The following ATP8A1 variants were observed in gnomAD, a reference collection of about 807,000 sequenced individuals.
ATP8A1 encodes the protein ATPase phospholipid transporting 8A1, also known as phospholipid-transporting ATPase IA.
In ATP8A1, 90 loss-of-function variants were observed where a neutral mutation model predicts 177.7. The ratio of observed to expected loss-of-function variants is 0.51; its 90% CI spans 0.43 to 0.60. The LOEUF (loss-of-function observed/expected upper bound fraction) is 0.60. Ranked by LOEUF, ATP8A1 falls within the 20% of genes least tolerant of loss-of-function variation. The pLI is 0.00. For synonymous variants in ATP8A1, 493 were observed against 485.9 expected, an observed-to-expected ratio of 1.01 and a Z score of -0.19; for missense variants, 1,072 against 1,392.8, an observed-to-expected ratio of 0.77 and a Z score of 3.67.
chr4:42,579,889 C>T lies in ATP8A1; in HGVS notation c.924G>A (p.Met308Ile). Reference sequence around the variant, plus strand: ...CTGAGCCCACAGAACAGACAAGAGACATGGCAATTAAGATACAAAATAAAA... The same window carrying T: ...CTGAGCCCACAGAACAGACAAGAGATATGGCAATTAAGATACAAAATAAAA... ...ILILFCILIA[M>I]SLVCSVGSAI... Residue 308 changes from methionine (M) to isoleucine (I), a missense_variant, in exon 11 of 37, where the codon ATG becomes ATA. Physicochemically the swap from Met to Ile is conservative, Grantham distance 10. Transcript: ENST00000381668. 3.7e-6 allele frequency: 6 copies of T among 1,613,696 alleles called. No homozygotes were observed. Among genetic ancestry groups the T allele is most frequent in the Non-Finnish European group, 5.1e-6 (6 of 1,179,756 alleles).
chr4:42,424,594 C>A (rs1577904432), intron 33 of ATP8A1, among the ~76,000 whole-genome samples: 1 of 152,076 alleles, frequency 6.6e-6, no homozygotes. Flanking sequence ...TTAAAAATAA[C>A]CTAGAGTTTA....
intron 25 of ATP8A1, among the ~76,000 whole-genome samples, chr4:42,468,097 G>A (rs994828283): frequency 5.3e-5 from 8 of 151,942 alleles, no homozygotes; most frequent in Non-Finnish European, 8.8e-5. Flanking sequence ...GTGTGGATAC[G>A]GTGATCAGGG....
At chr4:42,434,089 T>C (rs956235477) in intron 33 of ATP8A1, among the ~76,000 whole-genome samples, 1 of 152,190 alleles carries the variant, frequency 6.6e-6, no homozygotes, top group Non-Finnish European at 1.5e-5. Flanking sequence ...ATAGTGAAGA[T>C]AATTAAAAAC....
At chr4:42,544,840 G>A (rs1013009821) in intron 19 of ATP8A1, among the ~76,000 whole-genome samples, 2 of 152,146 alleles carry the variant, frequency 1.3e-5, no homozygotes, top group Non-Finnish European at 2.9e-5. Context: ...TGTACAGTCA[G>A]GAGTTTCTTT....
At chr4:42,467,591 G>A (rs1719925211) in intron 25 of ATP8A1, among the ~76,000 whole-genome samples, 1 of 152,196 alleles carries the variant, frequency 6.6e-6, no homozygotes, top group Non-Finnish European at 1.5e-5. Flanking sequence ...TACTCGGGAA[G>A]CTGAGTCAGG....
chr4:42,570,767 A>G (rs1560471358), intron 14 of ATP8A1, among the ~76,000 whole-genome samples: 3 of 152,210 alleles, frequency 2.0e-5, no homozygotes, highest in South Asian at 4.1e-4. Context: ...TGCCAGTGCT[A>G]TAACATCTAC....
intron 22 of ATP8A1, among the ~76,000 whole-genome samples, chr4:42,507,779 C>CAAAAAAAAAA (rs1724554447): frequency 2.1e-4 from 1 of 4,786 alleles, no homozygotes. Context: ...GACAGGCATT[C>CAAAAAAAAAA]TAAAAAAAAA....
chr4:42,584,821 C>T (rs1408025813), intron 9 of ATP8A1, among the ~76,000 whole-genome samples: 2 of 152,210 alleles, frequency 1.3e-5, no homozygotes, highest in Non-Finnish European at 2.9e-5. Flanking sequence ...CTGGACATCT[C>T]TGTTTGGACC....
chr4:42,542,708 T>C (rs902662084), intron 20 of ATP8A1, among the ~76,000 whole-genome samples: 2 of 152,214 alleles, frequency 1.3e-5, no homozygotes, highest in Non-Finnish European at 2.9e-5. Flanking sequence ...GATCTTGTGA[T>C]AGTTTGCTGA....
intron 22 of ATP8A1, among the ~76,000 whole-genome samples, chr4:42,510,205 GTGTATAA>G (rs1724870878): frequency 1.3e-5 from 2 of 152,136 alleles, no homozygotes; most frequent in East Asian, 1.9e-4. Context: ...TGACTTCTTA[GTGTATAA>G]TATATAATAC....
intron 4 of ATP8A1, among the ~76,000 whole-genome samples, chr4:42,619,738 G>T (rs1737278067): frequency 1.3e-5 from 2 of 151,994 alleles, no homozygotes; most frequent in South Asian, 2.1e-4. Context: ...ATGTATTAGT[G>T]GCAGCCATGA....
At position 42,461,442 on chromosome 4, in the gene ATP8A1, A is replaced by G. The variant is rs140226984; in HGVS notation, c.2619+3248T>C. 4.4e-3 allele frequency among the ~76,000 whole-genome samples: 662 copies of G among 151,942 alleles called. 4 individuals are homozygous for G. Among genetic ancestry groups the G allele is most frequent in the African/African-American group, 0.015 (632 of 41,420 alleles). ...CTTGTGATAGTGAATAAGTCTCAAGAGATTTGATGGTTTTGAAAAGGGGAG... is the reference window on the plus strand; with the variant it reads ...CTTGTGATAGTGAATAAGTCTCAAGGGATTTGATGGTTTTGAAAAGGGGAG... On this transcript the variant is annotated intron_variant, in intron 27 of 36. Coordinates refer to ENST00000381668, the MANE Select transcript of ATP8A1 (RefSeq NM_006095.2).
chr4:42,540,553 T>TAA (rs147451489), intron 20 of ATP8A1, among the ~76,000 whole-genome samples: 195 of 142,594 alleles, frequency 1.4e-3, no homozygotes, highest in African/African-American at 3.4e-3. Flanking sequence ...GACCAATAGA[T>TAA]AAAAAAAAAA....
intron 33 of ATP8A1, among the ~76,000 whole-genome samples, chr4:42,432,911 T>C (rs28419088): frequency 1.2e-3 from 187 of 152,374 alleles, no homozygotes; most frequent in African/African-American, 4.4e-3. Context: ...GGTATATATA[T>C]TCACATCAAA....
intron 1 of ATP8A1, among the ~76,000 whole-genome samples, chr4:42,636,136 ACACACACACACACACACACACG>A (rs1210475892): frequency 0.019 from 771 of 39,746 alleles, 11 homozygotes; most frequent in African/African-American, 0.049. Flanking sequence ...ACACACACAC[ACACACACACACACACACACACG>A]CACACACACA....
At chr4:42,473,571 A>G (rs940319450) in intron 25 of ATP8A1, among the ~76,000 whole-genome samples, 1 of 152,096 alleles carries the variant, frequency 6.6e-6, no homozygotes, top group Non-Finnish European at 1.5e-5. Flanking sequence ...TGGAGCACAC[A>G]TGCCCTGTGA....
chr4:42,593,677 C>T (rs1467120477), intron 6 of ATP8A1, among the ~76,000 whole-genome samples: 2 of 151,894 alleles, frequency 1.3e-5, no homozygotes, highest in South Asian at 4.1e-4. Flanking sequence ...AGTTTTTAAA[C>T]CTAAAACCAT....
chr4:42,642,479 A>G (rs1740101724), intron 1 of ATP8A1, among the ~76,000 whole-genome samples: 2 of 152,240 alleles, frequency 1.3e-5, no homozygotes, highest in Admixed American at 1.3e-4. Flanking sequence ...ATGTAGCTAA[A>G]GAAGACGACA....
rs1292724630 is a variant in ATP8A1, at chr4:42,485,660, C to T, written c.2160G>A (p.Arg720=). 6.2e-7 allele frequency: 1 copy of T among 1,609,210 alleles called. No individual in the cohort carries two copies. The highest frequency in any genetic ancestry group is 2.2e-5 in the East Asian group (1 of 44,732). ...TAGTACAGTGACGACTGAGAGTTTC[C>T]CTTGTTCCCTGGAATATTAAACAAG... ...VINEGSLDGT[R]ETLSRHCTTL... Residue 720 remains arginine (R), a synonymous_variant, in exon 25 of 37, where the codon AGG becomes AGA. Transcript: ENST00000381668.
Sources: gnomAD v4.1 joint callset for allele counts (sites outside exome capture counted in the v4.1 genomes callset) on GRCh38, gnomAD v4.1.1 for gene constraint, MANE v1.5 for transcripts, NCBI Gene and HGNC (gene_info 2026-07-23, HGNC 2026-07-21) for gene names.